PSEN1: variants seen among roughly 807,000 people sequenced by gnomAD.
PSEN1 encodes the protein presenilin-1.
PSEN1 carries 15 observed loss-of-function variants against 53.5 expected under a neutral mutation model. The ratio of observed to expected loss-of-function variants is 0.28; its 90% CI spans 0.19 to 0.43. The LOEUF is 0.43. PSEN1 is among the 20% of genes least tolerant of loss of function. The pLI is 1.00. For missense variants in PSEN1, 387 were observed against 571.2 expected, an observed-to-expected ratio of 0.68 and a Z score of 3.29; for synonymous variants, 208 against 209.8, an observed-to-expected ratio of 0.99 and a Z score of 0.08.
At position 73,202,418 on chromosome 14, in the gene PSEN1, CTATATATATATATATATATA is replaced by C. The variant is rs1248311168; in HGVS notation, c.869-3942_869-3923del. ...TCTGTTTTAAAATATCTATCACATA[CTATATATATATATATATATA>C]TATATATATATATATATATATATAT... On this transcript the variant is annotated intron_variant, in intron 8 of 11. Coordinates refer to ENST00000324501, the MANE Select transcript of PSEN1 (RefSeq NM_000021.4). 6.1e-3 allele frequency among the ~76,000 whole-genome samples: 167 copies of C among 27,224 alleles called. 3 individuals carry two copies. The highest frequency in any genetic ancestry group is 7.5e-3 in the Non-Finnish European group (128 of 17,020). 17.9% of individuals were successfully genotyped at this position (27,224 alleles called of 152,430 possible). A position where few individuals can be genotyped will look rare whatever the true frequency, so the allele number is the denominator to read the frequency against.
intron 9 of PSEN1, chr14:73,208,912 C>T (rs558018349): frequency 1.1e-5 from 5 of 454,670 alleles, no homozygotes; most frequent in South Asian, 7.8e-5. Flanking sequence ...CCTGCAGGCC[C>T]ACGGTAAGCT....
intron 6 of PSEN1, among the ~76,000 whole-genome samples, chr14:73,192,367 G>A (rs748758205): frequency 2.6e-5 from 4 of 152,092 alleles, no homozygotes; most frequent in Admixed American, 6.6e-5. Flanking sequence ...CCTGATCTCC[G>A]GAGGTAAAGA....
At chr14:73,156,048 A>G (rs1897344483) in intron 3 of PSEN1, among the ~76,000 whole-genome samples, 1 of 152,126 alleles carries the variant, frequency 6.6e-6, no homozygotes. Context: ...TGCATTTAAA[A>G]ATATTTTATG....
At chr14:73,159,737 T>A (rs931198942) in intron 3 of PSEN1, among the ~76,000 whole-genome samples, 11 of 152,212 alleles carry the variant, frequency 7.2e-5, no homozygotes, top group African/African-American at 2.7e-4. Context: ...ATTGGACAAC[T>A]TTATACCCAT....
At chr14:73,216,498 C>T (rs1480836344) in intron 10 of PSEN1, among the ~76,000 whole-genome samples, 2 of 152,106 alleles carry the variant, frequency 1.3e-5, no homozygotes, top group African/African-American at 4.8e-5. Flanking sequence ...TGGTGGCTCA[C>T]GTCTGTAATC....
At chr14:73,205,142 A>T (rs1046667325) in intron 8 of PSEN1, among the ~76,000 whole-genome samples, 1 of 152,168 alleles carries the variant, frequency 6.6e-6, no homozygotes, top group African/African-American at 2.4e-5. Flanking sequence ...TATTGTGATA[A>T]AAAGCCAGAG....
At chr14:73,137,906 GC>G (rs1896792639) in intron 1 of PSEN1, among the ~76,000 whole-genome samples, 1 of 151,892 alleles carries the variant, frequency 6.6e-6, no homozygotes, top group African/African-American at 2.4e-5. Flanking sequence ...CGAAACCCCG[GC>G]TCTACAAAAA....
intron 5 of PSEN1, among the ~76,000 whole-genome samples, chr14:73,183,148 C>T (rs1175767434): frequency 3.9e-5 from 6 of 152,060 alleles, no homozygotes; most frequent in Non-Finnish European, 8.8e-5. Flanking sequence ...GATGGAGTCT[C>T]GCTCTGTTGC....
At chr14:73,190,167 G>A (rs1291090934) in intron 6 of PSEN1, among the ~76,000 whole-genome samples, 4 of 152,154 alleles carry the variant, frequency 2.6e-5, no homozygotes, top group African/African-American at 9.7e-5. Context: ...GCTTAGAGGG[G>A]TAAAAAAGAT....
In PSEN1 at chr14:73,219,241, T is replaced by C; in HGVS notation, c.1356T>C (p.Leu452=). ...TTTTCTACTTTGCCACAGATTATCT[T>C]GTACAGCCTTTTATGGACCAATTAG... ...GLVFYFATDY[L]VQPFMDQLAF... is the part of the protein sequence containing the mutation. Residue 452 remains leucine, a synonymous_variant, in exon 12 of 12, where the codon CTT becomes CTC. Coordinates refer to ENST00000324501, the MANE Select transcript of PSEN1 (RefSeq NM_000021.4). The C allele has an allele frequency of 6.2e-7, 1 of 1,613,874 alleles. No homozygotes were observed. The highest frequency in any genetic ancestry group is 8.5e-7 in the Non-Finnish European group (1 of 1,179,726).
intron 5 of PSEN1, among the ~76,000 whole-genome samples, chr14:73,185,786 T>C (rs776855719): frequency 2.0e-5 from 3 of 152,180 alleles, no homozygotes; most frequent in Admixed American, 1.3e-4. Context: ...CCTGGCCTCA[T>C]GATCCGCCTG....
chr14:73,174,509 C>T (rs1197754629), intron 5 of PSEN1, among the ~76,000 whole-genome samples: 2 of 151,858 alleles, frequency 1.3e-5, no homozygotes, highest in Non-Finnish European at 2.9e-5. Context: ...GCTGGGATTA[C>T]AGGCATGAGC....
intron 10 of PSEN1, among the ~76,000 whole-genome samples, 157 bp from the exon 11 acceptor site, chr14:73,216,968 CA>C (rs1566656514): frequency 3.3e-5 from 5 of 151,912 alleles, no homozygotes; most frequent in Admixed American, 1.3e-4. Context: ...TGTAGAAAAC[CA>C]AAAAAGAAAG....
chr14:73,190,040 A>G (rs1898657857), intron 6 of PSEN1: 1 of 152,930 alleles, frequency 6.5e-6, no homozygotes, highest in Non-Finnish European at 1.5e-5. Flanking sequence ...CTCCTTATGT[A>G]CATTGTACTC....
intron 3 of PSEN1, among the ~76,000 whole-genome samples, chr14:73,169,854 C>T (rs1390409419): frequency 1.3e-5 from 2 of 152,096 alleles, no homozygotes; most frequent in South Asian, 2.1e-4. Flanking sequence ...CCATGTTGGC[C>T]AGGCTGGTCT....
intron 8 of PSEN1, among the ~76,000 whole-genome samples, chr14:73,199,653 G>T (rs1655585093): frequency 6.6e-6 from 1 of 152,130 alleles, no homozygotes; most frequent in South Asian, 2.1e-4. Context: ...TTTAAATTTT[G>T]ATAGTTTGCC....
chr14:73,203,766 T>G (rs1181751334), intron 8 of PSEN1, among the ~76,000 whole-genome samples: 1 of 152,212 alleles, frequency 6.6e-6, no homozygotes, highest in Non-Finnish European at 1.5e-5. Flanking sequence ...TCTGGGAGCT[T>G]AACTAGAAGG....
At chr14:73,175,733 TA>T (rs945795810) in intron 5 of PSEN1, among the ~76,000 whole-genome samples, 18 of 152,342 alleles carry the variant, frequency 1.2e-4, no homozygotes, top group African/African-American at 4.1e-4. Flanking sequence ...TTCACTATTT[TA>T]AAAAACAGTA....
At chr14:73,207,059 G>T (rs1899482830) in intron 9 of PSEN1, among the ~76,000 whole-genome samples, 1 of 152,116 alleles carries the variant, frequency 6.6e-6, no homozygotes, top group South Asian at 2.1e-4. Context: ...AGTGATGTGT[G>T]CCTGTAGTCC....
Sources: gnomAD v4.1 joint callset for allele counts (sites outside exome capture counted in the v4.1 genomes callset) on GRCh38, gnomAD v4.1.1 for gene constraint, MANE v1.5 for transcripts, NCBI Gene and HGNC (gene_info 2026-07-23, HGNC 2026-07-21) for gene names.